Variants in TBC1D14 observed in about 807,000 individuals in gnomAD.
TBC1D14 encodes the protein TBC1 domain family member 14.
TBC1D14 carries 26 observed loss-of-function variants against 79.0 expected under a neutral mutation model. That is an observed-to-expected ratio of 0.33 (90% CI 0.24 to 0.46). TBC1D14 has a LOEUF of 0.46. Ranked by LOEUF, TBC1D14 falls within the 20% of genes least tolerant of loss-of-function variation. The pLI, the probability that TBC1D14 is intolerant of heterozygous loss-of-function variation, is 1.00. For missense variants in TBC1D14, 769 were observed against 887.6 expected (o/e 0.87, Z 1.70); for synonymous variants, 394 against 349.9 (o/e 1.13, Z -1.40).
At chr4:6,997,509 C>T (rs1320716610) in intron 5 of TBC1D14, among the ~76,000 whole-genome samples, 1 of 152,054 alleles carries the variant, frequency 6.6e-6, no homozygotes, top group African/African-American at 2.4e-5. Context: ...GCCTGTAGTC[C>T]CAGCTACTTG....
chr4:7,017,523 C>T (rs553463913), intron 12 of TBC1D14, among the ~76,000 whole-genome samples: 3 of 152,188 alleles, frequency 2.0e-5, no homozygotes, highest in East Asian at 1.9e-4. Flanking sequence ...AATAGCATGT[C>T]GAGTGTAGAA....
Position 6,967,305 on chromosome 4 carries a change from A to G in TBC1D14, c.724A>G (p.Asn242Asp). ...AACCTTGTTATTTTCTTCCTATAGG[A>G]ACTTGCTTGCTAGAAAACAAAGTGC... The part of the protein sequence containing the change: ...LGPFSNFFAR[N>D]LLARKQSARL... Residue 242 changes from asparagine to aspartate, a missense_variant and splice_region_variant, in exon 3 of 14, where the codon AAC becomes GAC. This residue lies in a region of TBC1D14 where 402 missense variants were observed against 393.2 expected (regional missense o/e 1.02). Coordinates refer to ENST00000409757, the MANE Select transcript of TBC1D14 (RefSeq NM_020773.3). 2 of 1,613,658 alleles carry G rather than the reference A, an allele frequency of 1.2e-6. No individual in the cohort carries two copies. The highest frequency in any genetic ancestry group is 1.7e-6 in the Non-Finnish European group (2 of 1,179,920).
intron 1 of TBC1D14, 159 bp downstream of exon 1, chr4:6,910,110 G>A (rs1282850757): frequency 1.1e-4 from 16 of 150,498 alleles, no homozygotes; most frequent in Admixed American, 1.1e-3. Context: ...CCGCGCGGCC[G>A]CGGCTCCTGC....
At chr4:6,933,826 G>A (rs948864552) in intron 2 of TBC1D14, among the ~76,000 whole-genome samples, 4 of 152,204 alleles carry the variant, frequency 2.6e-5, no homozygotes, top group Non-Finnish European at 4.4e-5. Flanking sequence ...TCCGGGCAGG[G>A]GAAGGGCAGA....
At chr4:6,961,766 C>G (rs937145723) in intron 2 of TBC1D14, among the ~76,000 whole-genome samples, 1 of 152,080 alleles carries the variant, frequency 6.6e-6, no homozygotes, top group Admixed American at 6.5e-5. Context: ...TGCGGGGTGC[C>G]TGAAGGAGGG....
chr4:7,007,668 G>A, intron 9 of TBC1D14: 1 of 1,205,284 alleles, frequency 8.3e-7, no homozygotes. Context: ...GCAGCAGGCA[G>A]TTGACTTAGC....
intron 1 of TBC1D14, among the ~76,000 whole-genome samples, chr4:6,913,786 A>G (rs1378278997): frequency 6.6e-6 from 1 of 152,240 alleles, no homozygotes; most frequent in East Asian, 1.9e-4. Context: ...TTAGTAATTT[A>G]CCAAATCACT....
chr4:6,935,585 T>G (rs1483815884), intron 2 of TBC1D14, among the ~76,000 whole-genome samples: 3 of 151,838 alleles, frequency 2.0e-5, no homozygotes, highest in Admixed American at 6.6e-5. Context: ...TCTCCCTCTC[T>G]CCCCCTTCCA....
intron 2 of TBC1D14, among the ~76,000 whole-genome samples, chr4:6,934,339 G>T (rs66640699): frequency 0.074 from 11,237 of 152,042 alleles, 572 homozygotes; most frequent in Middle Eastern, 0.16. Context: ...GGCCCGGTGA[G>T]CATGGGTGTC....
Position 6,950,800 on chromosome 4 carries a change from A to C in TBC1D14, c.723-16504A>C, listed in dbSNP as rs542291237. Reference sequence around the variant, plus strand: ...ATATTATACTTTACATTTATCATTGATTTGATTTGCATATTTTGTTTGGGA... The same window carrying C: ...ATATTATACTTTACATTTATCATTGCTTTGATTTGCATATTTTGTTTGGGA... On this transcript the variant is annotated intron_variant, in intron 2 of 13. Transcript: ENST00000409757. Among the ~76,000 whole-genome samples, 45 of 152,232 alleles carry C rather than the reference A, an allele frequency of 3.0e-4. No individual in the cohort carries two copies. The South Asian group carries it at 9.3e-3, about 32-fold the overall frequency.
intron 2 of TBC1D14, among the ~76,000 whole-genome samples, chr4:6,934,584 G>A (rs1174497986): frequency 2.0e-5 from 3 of 152,026 alleles, no homozygotes; most frequent in African/African-American, 7.2e-5. Context: ...CTTGAACCTG[G>A]GAGGCAGAGC....
intron 3 of TBC1D14, among the ~76,000 whole-genome samples, chr4:6,978,465 A>C (rs1449168010): frequency 6.7e-6 from 1 of 150,024 alleles, no homozygotes; most frequent in Non-Finnish European, 1.5e-5. Flanking sequence ...TCTCTGAAAC[A>C]TGTGCTGTGT....
intron 3 of TBC1D14, among the ~76,000 whole-genome samples, chr4:6,985,764 A>ATAACCCCTAC (rs1196772125): frequency 6.6e-6 from 1 of 152,230 alleles, no homozygotes. Context: ...AATTGAAAGA[A>ATAACCCCTAC]TAACCCCTAC....
At chr4:7,024,035 C>T (rs758099520) in intron 12 of TBC1D14, among the ~76,000 whole-genome samples, 6 of 152,202 alleles carry the variant, frequency 3.9e-5, no homozygotes, top group Non-Finnish European at 5.9e-5. Context: ...GTGCAATGCA[C>T]GTCCATAACT....
Position 6,923,454 on chromosome 4 carries a change from G to A in TBC1D14, c.65G>A (p.Arg22Gln), listed in dbSNP as rs145665500. ...GCCTTCATGGGTATTCTGGATGGTC[G>A]ACCAGGAAACCCCCTTCAGAACCTG... ...GVAFMGILDG[R>Q]PGNPLQNLQH... The change falls in exon 2 of 14, where the codon CGA (arginine) becomes CAA (glutamine). Residue 22 changes from arginine to glutamine, a missense_variant. By Grantham distance (43) the Arg-to-Gln change is conservative (BLOSUM62 1). This residue lies in a region of TBC1D14 where 402 missense variants were observed against 393.2 expected (regional missense o/e 1.02). Coordinates refer to ENST00000409757, the MANE Select transcript of TBC1D14 (RefSeq NM_020773.3). The A allele has an allele frequency of 3.4e-5, 55 of 1,613,974 alleles. No individual in the cohort carries two copies. Among genetic ancestry groups the A allele is most frequent in the Non-Finnish European group, 4.3e-5 (51 of 1,180,046 alleles).
chr4:6,952,214 A>T (rs1017350340), intron 2 of TBC1D14, among the ~76,000 whole-genome samples: 1 of 152,206 alleles, frequency 6.6e-6, no homozygotes, highest in Non-Finnish European at 1.5e-5. Context: ...GAGCCACTGC[A>T]GGGCTCGTTG....
At chr4:6,921,031 C>T (rs796478945) in intron 1 of TBC1D14, among the ~76,000 whole-genome samples, 96 of 152,334 alleles carry the variant, frequency 6.3e-4, no homozygotes, top group African/African-American at 2.2e-3. Flanking sequence ...CCACCTGCTT[C>T]GGCCTCCCAG....
intron 11 of TBC1D14, among the ~76,000 whole-genome samples, 178 bp from the exon 12 acceptor site, chr4:7,014,270 T>C (rs1054804557): frequency 2.0e-5 from 3 of 152,240 alleles, no homozygotes; most frequent in African/African-American, 7.2e-5. Flanking sequence ...TTGTGAAGAT[T>C]AGAAATAGTG....
At chr4:6,957,869 C>T (rs1266974096) in intron 2 of TBC1D14, among the ~76,000 whole-genome samples, 1 of 151,798 alleles carries the variant, frequency 6.6e-6, no homozygotes, top group East Asian at 1.9e-4. Context: ...CACCACTGTA[C>T]TCCAGCCTGG....
Sources: allele counts gnomAD v4.1 joint callset (sites outside exome capture counted in the v4.1 genomes callset), GRCh38; gene constraint gnomAD v4.1.1; regional missense constraint gnomAD v4.1.1; transcripts MANE v1.5; gene names NCBI Gene and HGNC (gene_info 2026-07-23, HGNC 2026-07-21).